Variants in TACC1 observed in about 807,000 individuals in gnomAD.
TACC1 encodes the protein transforming acidic coiled-coil containing protein 1.
TACC1 carries 48 observed loss-of-function variants against 84.4 expected under a neutral mutation model. That is an observed-to-expected ratio of 0.57 (90% CI 0.45 to 0.72). The LOEUF (loss-of-function observed/expected upper bound fraction) is 0.72. Among genes scored for constraint, TACC1 ranks in the 30% least tolerant of loss-of-function variants. The pLI is 0.00. For synonymous variants in TACC1, 372 were observed against 376.3 expected (o/e 0.99, Z 0.13); for missense variants, 920 against 973.0 (o/e 0.95, Z 0.72).
At chr8:38,838,902 CT>C (rs1177445873) in intron 8 of TACC1, among the ~76,000 whole-genome samples, 177 of 146,860 alleles carry the variant, frequency 1.2e-3, no homozygotes, top group African/African-American at 1.2e-3. Flanking sequence ...CATAATACTA[CT>C]TTTTTTTTTT....
chr8:38,785,135 G>A (rs1367534099), upstream of TACC1, among the ~76,000 whole-genome samples: 1 of 149,608 alleles, frequency 6.7e-6, no homozygotes, highest in Non-Finnish European at 1.5e-5. Context: ...CTTGGGGTGG[G>A]CTGGGGTGGG....
At chr8:38,789,201 A>G (rs556545085) in intron 2 of TACC1, among the ~76,000 whole-genome samples, 14 of 152,278 alleles carry the variant, frequency 9.2e-5, no homozygotes, top group African/African-American at 3.4e-4. Context: ...ACTTGACTTA[A>G]TTTTTGATAG....
At chr8:38,845,124 C>G (rs1281472919) in intron 11 of TACC1, among the ~76,000 whole-genome samples, 1 of 152,160 alleles carries the variant, frequency 6.6e-6, no homozygotes, top group African/African-American at 2.4e-5. Flanking sequence ...GGGGTTTCGC[C>G]ATGTTGGGCA....
intron 3 of TACC1, among the ~76,000 whole-genome samples, chr8:38,777,432 G>A (rs1016606359): frequency 5.9e-5 from 9 of 152,126 alleles, no homozygotes; most frequent in African/African-American, 2.2e-4. Context: ...GTTGTGACAC[G>A]CAGTTCACAA....
chr8:38,837,700 A>G (rs1830493918), intron 7 of TACC1, among the ~76,000 whole-genome samples: 1 of 152,228 alleles, frequency 6.6e-6, no homozygotes, highest in African/African-American at 2.4e-5. Context: ...TGAAGCACAC[A>G]GGATACATCC....
chr8:38,757,698 C>T (rs1006039842), intron 3 of TACC1, among the ~76,000 whole-genome samples: 1 of 151,954 alleles, frequency 6.6e-6, no homozygotes. Context: ...ACCCCGGCCT[C>T]GTCCAAGCAG....
chr8:38,813,204 G>T (rs1469507600), intron 2 of TACC1, among the ~76,000 whole-genome samples: 2 of 152,154 alleles, frequency 1.3e-5, no homozygotes, highest in Admixed American at 6.5e-5. Flanking sequence ...CTCTAAGGAC[G>T]TCCATTTTTG....
At chr8:38,830,034 T>C (rs967143024) in intron 5 of TACC1, among the ~76,000 whole-genome samples, 7 of 152,204 alleles carry the variant, frequency 4.6e-5, no homozygotes, top group African/African-American at 1.4e-4. Flanking sequence ...TGTAAGTATC[T>C]GGCCAAGTGG....
At chr8:38,765,276 A>T (rs1812026341) in intron 3 of TACC1, among the ~76,000 whole-genome samples, 1 of 152,094 alleles carries the variant, frequency 6.6e-6, no homozygotes, top group Admixed American at 6.6e-5. Flanking sequence ...CTTGATTATG[A>T]GAAAATCCTC....
At chr8:38,758,704 A>AAAG in intron 3 of TACC1, among the ~76,000 whole-genome samples, 1 of 149,834 alleles carries the variant, frequency 6.7e-6, no homozygotes, top group Non-Finnish European at 1.5e-5. Flanking sequence ...AAAAAAAAAA[A>AAAG]GCTGAGATTT....
intron 9 of TACC1, among the ~76,000 whole-genome samples, chr8:38,841,589 G>T (rs543016703): frequency 1.3e-5 from 2 of 152,282 alleles, no homozygotes; most frequent in Admixed American, 1.3e-4. Flanking sequence ...GCAAGTAGGT[G>T]AATTGGGAGG....
intron 3 of TACC1, among the ~76,000 whole-genome samples, chr8:38,768,067 T>TGAAGGAAG (rs72090925): frequency 0.011 from 1,306 of 119,988 alleles, 14 homozygotes; most frequent in African/African-American, 0.015. Context: ...GACGCTGTCT[T>TGAAGGAAG]GAAGGAAGGA....
intron 3 of TACC1, among the ~76,000 whole-genome samples, chr8:38,772,411 A>G (rs549820403): frequency 6.6e-6 from 1 of 152,368 alleles, no homozygotes; most frequent in Non-Finnish European, 1.5e-5. Flanking sequence ...GAAAAGATGC[A>G]TATGCATGGG....
At chr8:38,792,529 G>A (rs993998589) in intron 2 of TACC1, among the ~76,000 whole-genome samples, 6 of 151,948 alleles carry the variant, frequency 3.9e-5, no homozygotes, top group African/African-American at 1.2e-4. Context: ...GCAGTGGTGC[G>A]ATCTCGGCTC....
At chr8:38,749,815 C>T (rs890300897) in intron 3 of TACC1, among the ~76,000 whole-genome samples, 11 of 152,108 alleles carry the variant, frequency 7.2e-5, no homozygotes, top group African/African-American at 1.9e-4. Flanking sequence ...TGGTCTCGAA[C>T]GCCTGACCTC....
At chr8:38,840,122 GTC>G in intron 8 of TACC1, 100 bp from the exon 9 acceptor site, 5 of 673,310 alleles carry the variant, frequency 7.4e-6, no homozygotes, top group Non-Finnish European at 1.3e-5. Flanking sequence ...TACATACATT[GTC>G]AGTGTATGTT....
At chr8:38,753,936 C>CTTTCTTTCTTTCTTTCTTTCTTTCTT (rs1563270935) in intron 3 of TACC1, among the ~76,000 whole-genome samples, 4 of 59,372 alleles carry the variant, frequency 6.7e-5, no homozygotes, top group South Asian at 5.6e-4. Context: ...TTTCTTCTTT[C>CTTTCTTTCTTTCTTTCTTTCTTTCTT]TCTCTCTCTC....
At chr8:38,829,483 T>C (rs978188947) in intron 5 of TACC1, among the ~76,000 whole-genome samples, 1 of 152,100 alleles carries the variant, frequency 6.6e-6, no homozygotes, top group Non-Finnish European at 1.5e-5. Flanking sequence ...TGCTGCCTCT[T>C]ACACAGATCT....
At chr8:38,751,869 T>C (rs778551884) in intron 3 of TACC1, among the ~76,000 whole-genome samples, 5 of 152,210 alleles carry the variant, frequency 3.3e-5, no homozygotes, top group Non-Finnish European at 4.4e-5. Flanking sequence ...AGGGTTGTGG[T>C]GAACAGTAAA....
Sources: allele counts gnomAD v4.1 joint callset (sites outside exome capture counted in the v4.1 genomes callset), GRCh38; gene constraint gnomAD v4.1.1; transcripts MANE v1.5; gene names NCBI Gene and HGNC (gene_info 2026-07-23, HGNC 2026-07-21).